The following EFHD1 variants were observed in gnomAD, a reference collection of about 807,000 sequenced individuals.
The protein encoded by EFHD1 is EF-hand domain family member D1, also known as EF-hand domain-containing protein D1.
EFHD1 carries 10 observed loss-of-function variants against 17.2 expected under a neutral mutation model. The observed-to-expected ratio is 0.58, with a 90% confidence interval of 0.36 to 0.99. The LOEUF (loss-of-function observed/expected upper bound fraction) is 0.99, where lower values mean the gene tolerates loss of function less well. EFHD1 is among the 50% of genes least tolerant of loss of function. The probability of loss-of-function intolerance (pLI) is 0.01; values close to 1 mark genes in which losing one functional copy is unlikely to be tolerated. For missense variants in EFHD1, 310 were observed against 327.5 expected, an observed-to-expected ratio of 0.95 and a Z score of 0.41; for synonymous variants, 153 against 142.0, an observed-to-expected ratio of 1.08 and a Z score of -0.55.
rs553284605 is a variant in EFHD1, at chr2:232,662,718, G to C, written c.303-84G>C. The C allele has an allele frequency of 8.5e-6, 13 of 1,522,228 alleles. No individual in the cohort carries two copies. In the African/African-American group the frequency reaches 1.3e-4, roughly 15 times the overall value. 94.3% of individuals were successfully genotyped at this position (1,522,228 alleles called of 1,614,324 possible). On this transcript the variant is annotated intron_variant, in intron 1 of 3. Coordinates refer to ENST00000264059, the MANE Select transcript of EFHD1 (RefSeq NM_025202.4). ...GCGGGAGGTATTTGAGTCATTTTTC[G>C]ATGAATGAAGCCAAAGGAATTACAT...
chr2:232,627,036 C>CTA (rs1178834241), intron 1 of EFHD1, among the ~76,000 whole-genome samples: 74 of 112,666 alleles, frequency 6.6e-4, no homozygotes, highest in African/African-American at 2.2e-3. Flanking sequence ...CTCTCTCTCT[C>CTA]TATATATATA....
intron 3 of EFHD1, 107 bp downstream of exon 3, chr2:232,672,550 G>A: frequency 6.8e-7 from 1 of 1,463,518 alleles, no homozygotes; most frequent in South Asian, 1.4e-5. Flanking sequence ...TGCAGAAACA[G>A]ACCAGGAGGG....
chr2:232,623,834 T>C (rs1379496647), intron 1 of EFHD1, among the ~76,000 whole-genome samples: 1 of 152,114 alleles, frequency 6.6e-6, no homozygotes, highest in Non-Finnish European at 1.5e-5. Context: ...AGGGCTGAGC[T>C]CCTTCAGAGG....
Position 232,681,766 on chromosome 2 carries a change from C to T in EFHD1, c.*47C>T. 1 of 1,593,698 alleles carries T rather than the reference C, an allele frequency of 6.3e-7. No homozygotes were observed. The highest frequency in any genetic ancestry group is 8.5e-7 in the Non-Finnish European group (1 of 1,170,040). On this transcript the variant is annotated 3_prime_UTR_variant, in exon 4 of 4. Transcript: ENST00000264059. ...CCCACAGCTGTGCCTCACAGATGCC[C>T]CGAGAAGAGATGACTAGGCATCTTC...
intron 3 of EFHD1, among the ~76,000 whole-genome samples, chr2:232,677,200 C>T (rs1250696004): frequency 5.2e-5 from 6 of 114,508 alleles, no homozygotes; most frequent in African/African-American, 1.6e-4. Flanking sequence ...TGGCAAGACC[C>T]CATCTCTACA....
At chr2:232,647,687 A>C (rs918199097) in intron 1 of EFHD1, among the ~76,000 whole-genome samples, 1 of 136,978 alleles carries the variant, frequency 7.3e-6, no homozygotes, top group African/African-American at 2.8e-5. Flanking sequence ...CCCAGGCTGG[A>C]GTGCAATGGC....
chr2:232,631,708 A>AAAC (rs1553597044), upstream of EFHD1, among the ~76,000 whole-genome samples: 60 of 136,312 alleles, frequency 4.4e-4, no homozygotes, highest in African/African-American at 1.8e-3. Flanking sequence ...AAAAAAAAAC[A>AAAC]AAAACAAAAC....
intron 1 of EFHD1, among the ~76,000 whole-genome samples, chr2:232,644,309 C>G (rs1432406513): frequency 6.6e-6 from 1 of 152,058 alleles, no homozygotes; most frequent in Non-Finnish European, 1.5e-5. Context: ...GGGTGCCATG[C>G]CCCTGATTTC....
chr2:232,621,136 TGCTGTGG>T (rs1694010381), intron 1 of EFHD1, among the ~76,000 whole-genome samples: 1 of 152,236 alleles, frequency 6.6e-6, no homozygotes, highest in Non-Finnish European at 1.5e-5. Context: ...CCACCCTGAC[TGCTGTGG>T]GCTTTTGAAA....
intron 1 of EFHD1, chr2:232,650,066 T>G (rs912501180): frequency 6.6e-6 from 1 of 152,006 alleles, no homozygotes; most frequent in African/African-American, 2.4e-5. Flanking sequence ...AGGTCAAAAC[T>G]CCCGTGCTGG....
At chr2:232,672,945 A>T (rs373855067) in intron 3 of EFHD1, among the ~76,000 whole-genome samples, 6 of 152,184 alleles carry the variant, frequency 3.9e-5, no homozygotes, top group East Asian at 3.9e-4. Flanking sequence ...TCTCTCTGCC[A>T]TGCTGAAAGC....
chr2:232,624,264 G>A (rs1394015688), intron 1 of EFHD1, among the ~76,000 whole-genome samples: 2 of 152,176 alleles, frequency 1.3e-5, no homozygotes, highest in Non-Finnish European at 2.9e-5. Context: ...TCAGCCCCCT[G>A]GGGGTGCTCC....
intron 3 of EFHD1, among the ~76,000 whole-genome samples, chr2:232,673,171 C>T (rs994743060): frequency 2.6e-5 from 4 of 152,204 alleles, no homozygotes; most frequent in Non-Finnish European, 5.9e-5. Flanking sequence ...CTTCCCAGGG[C>T]ACACACATAG....
exon 1 of EFHD1, chr2:232,606,159 G>A: frequency 6.5e-7 from 1 of 1,549,892 alleles, no homozygotes; most frequent in South Asian, 1.2e-5. Flanking sequence ...CCAGACATAC[G>A]ATGGGAGAGT....
chr2:232,656,042 G>A (rs1246977945), intron 1 of EFHD1, among the ~76,000 whole-genome samples: 3 of 151,968 alleles, frequency 2.0e-5, no homozygotes, highest in East Asian at 1.9e-4. Flanking sequence ...TCCTGACCGC[G>A]TGATCCACCC....
At chr2:232,643,699 T>C (rs1439399213) in intron 1 of EFHD1, among the ~76,000 whole-genome samples, 1 of 151,914 alleles carries the variant, frequency 6.6e-6, no homozygotes, top group Non-Finnish European at 1.5e-5. Context: ...TTGTTGTTGT[T>C]GTTTGAGGCA....
chr2:232,606,223 A>G, intron 1 of EFHD1: 1 of 1,546,002 alleles, frequency 6.5e-7, no homozygotes, highest in Non-Finnish European at 8.8e-7. Context: ...ACGATTTTCG[A>G]CGTTTTCCAG....
intron 1 of EFHD1, chr2:232,606,544 G>A (rs1436427539): frequency 8.8e-6 from 3 of 341,860 alleles, no homozygotes; most frequent in Non-Finnish European, 1.7e-5. Flanking sequence ...CCGGCGCTGG[G>A]GCTGGGGGAC....
intron 1 of EFHD1, among the ~76,000 whole-genome samples, chr2:232,645,544 G>A (rs1694512503): frequency 6.6e-6 from 1 of 152,164 alleles, no homozygotes. Context: ...TGCAGCCTTG[G>A]AGAAATGCTG....
Sources: gnomAD v4.1 joint callset for allele counts (sites outside exome capture counted in the v4.1 genomes callset) on GRCh38, gnomAD v4.1.1 for gene constraint, MANE v1.5 for transcripts, NCBI Gene and HGNC (gene_info 2026-07-23, HGNC 2026-07-21) for gene names.